FER1L6: variants seen among roughly 807,000 people sequenced by gnomAD.
The protein encoded by FER1L6 is fer-1 like family member 6.
A neutral mutation model predicts 219.2 loss-of-function variants in FER1L6; 177 were observed. That is an observed-to-expected ratio of 0.81 (90% confidence interval 0.71 to 0.91). The LOEUF is 0.91. FER1L6 is among the 40% of genes least tolerant of loss of function. FER1L6 has a pLI of 0.00. For synonymous variants in FER1L6, 768 were observed against 824.3 expected (o/e 0.93, Z 1.17); for missense variants, 2,153 against 2,259.9 (o/e 0.95, Z 0.96).
In FER1L6 at chr8:123,896,433, T is replaced by C. The variant is rs529181824; in HGVS notation, c.-8+44248T>C. On this transcript the variant is annotated intron_variant, in intron 1 of 40. Coordinates refer to ENST00000522917, the MANE Select transcript of FER1L6 (RefSeq NM_001039112.2). ...AATTTATTTCCTTACGGTATTTGCA[T>C]GTGTAACTCACAAGAAATTTGACAC... 1.9e-3 allele frequency among the ~76,000 whole-genome samples: 286 copies of C among 152,346 alleles called. 1 individual carries two copies. The highest frequency in any genetic ancestry group is 6.8e-3 in the African/African-American group (281 of 41,582).
chr8:124,028,767 T>C (rs186157954), intron 18 of FER1L6, among the ~76,000 whole-genome samples: 1 of 152,328 alleles, frequency 6.6e-6, no homozygotes, highest in Admixed American at 6.5e-5. Context: ...CAGCTTTAAC[T>C]TTTTTATATT....
intron 39 of FER1L6, among the ~76,000 whole-genome samples, chr8:124,108,162 C>CTA (rs1369945808): frequency 6.6e-6 from 1 of 151,998 alleles, no homozygotes; most frequent in Admixed American, 6.6e-5. Context: ...GAGCTCAAGT[C>CTA]TACCCTGGGC....
intron 11 of FER1L6, among the ~76,000 whole-genome samples, chr8:123,981,280 A>G (rs1222645093): frequency 6.6e-6 from 1 of 152,176 alleles, no homozygotes; most frequent in African/African-American, 2.4e-5. Context: ...TGTGCGGGAA[A>G]TCACAACTCT....
chr8:124,026,418 T>C (rs74711419), intron 18 of FER1L6, among the ~76,000 whole-genome samples: 5,012 of 152,244 alleles, frequency 0.033, 116 homozygotes, highest in East Asian at 0.08. Context: ...GGTAAAGAGA[T>C]AGCAGTTCTT....
At chr8:123,927,348 G>A (rs1038166491) in intron 1 of FER1L6, among the ~76,000 whole-genome samples, 7 of 152,200 alleles carry the variant, frequency 4.6e-5, no homozygotes, top group African/African-American at 9.7e-5. Context: ...GGTAAGGCAA[G>A]AGGCTTCATG....
intron 22 of FER1L6, among the ~76,000 whole-genome samples, chr8:124,055,454 T>G (rs774274178): frequency 6.6e-6 from 1 of 152,206 alleles, no homozygotes; most frequent in Non-Finnish European, 1.5e-5. Context: ...TTTCAACTGT[T>G]GGGCCATTCC....
rs370555510 is a variant in FER1L6, at chr8:123,896,810, C to T, written c.-8+44625C>T. On this transcript the variant is annotated intron_variant, in intron 1 of 40. Transcript: ENST00000522917. Reference sequence around the variant, plus strand: ...TCTATATGCTGATAACTCACAAACTCATGTCTCTAATCTCAGTCTCTTCCT... The same window carrying T: ...TCTATATGCTGATAACTCACAAACTTATGTCTCTAATCTCAGTCTCTTCCT... 1.1e-4 allele frequency among the ~76,000 whole-genome samples: 17 copies of T among 152,218 alleles called. No individual in the cohort carries two copies. The East Asian group carries it at 2.7e-3, about 24-fold the overall frequency.
chr8:124,052,248 G>A (rs893775340), intron 22 of FER1L6, among the ~76,000 whole-genome samples: 1 of 152,118 alleles, frequency 6.6e-6, no homozygotes, highest in Non-Finnish European at 1.5e-5. Context: ...AATAGTGTTG[G>A]ATTGATATGA....
chr8:123,932,253 T>C (rs1043820755), intron 1 of FER1L6, among the ~76,000 whole-genome samples: 5 of 151,994 alleles, frequency 3.3e-5, no homozygotes, highest in African/African-American at 9.7e-5. Flanking sequence ...GGATTACAGG[T>C]GCACACCACC....
chr8:123,913,745 A>G (rs4871424), intron 1 of FER1L6, among the ~76,000 whole-genome samples: 50,282 of 151,972 alleles, frequency 0.33, 8,841 homozygotes, highest in East Asian at 0.45. Context: ...ACACATGTCT[A>G]TCATATGTGT....
At chr8:123,874,635 T>G (rs1816973888) in intron 1 of FER1L6, among the ~76,000 whole-genome samples, 1 of 152,242 alleles carries the variant, frequency 6.6e-6, no homozygotes, top group Non-Finnish European at 1.5e-5. Flanking sequence ...TTCTATACTT[T>G]GTCTGTAAAT....
At chr8:123,908,314 T>C (rs2129758977) in intron 1 of FER1L6, among the ~76,000 whole-genome samples, 1 of 152,344 alleles carries the variant, frequency 6.6e-6, no homozygotes, top group African/African-American at 2.4e-5. Flanking sequence ...TTCTCTCTCT[T>C]CTCTTGTGAG....
Position 123,853,087 on chromosome 8 carries a change from T to A in FER1L6, c.-8+902T>A, listed in dbSNP as rs1320061216. On this transcript the variant is annotated intron_variant, in intron 1 of 40. Transcript: ENST00000522917. The surrounding 1 kb of genome is among the most constrained non-coding windows in gnomAD (Gnocchi z 6.6). ...TCAAACTCCTGGGCTCAAGCGATCC[T>A]CCTGCCTCAGCCTTCCAAAGTGCTC... is the stretch of plus-strand genomic sequence containing the variant. Among the ~76,000 whole-genome samples the A allele has an allele frequency of 6.6e-6, 1 of 152,198 alleles. No homozygotes were observed. Among genetic ancestry groups the A allele is most frequent in the Admixed American group, 6.5e-5 (1 of 15,282 alleles).
At chr8:123,871,989 G>T (rs529929996) in intron 1 of FER1L6, among the ~76,000 whole-genome samples, 120 of 152,280 alleles carry the variant, frequency 7.9e-4, no homozygotes, top group African/African-American at 2.8e-3. Context: ...AAGAAAAGAG[G>T]TTTAATTGGC....
rs193189374 is a variant in FER1L6, at chr8:124,039,050, T to G, written c.2465-832T>G. 4.8e-3 allele frequency among the ~76,000 whole-genome samples: 724 copies of G among 152,338 alleles called. 6 individuals are homozygous for G. The highest frequency in any genetic ancestry group is 0.016 in the African/African-American group (681 of 41,594). ...CAACTCTTACTTGAGGTTTCCCCACTGAACCCTGAGCTGCCCCAACCTGAG... is the reference window on the plus strand; with the variant it reads ...CAACTCTTACTTGAGGTTTCCCCACGGAACCCTGAGCTGCCCCAACCTGAG... On this transcript the variant is annotated intron_variant, in intron 19 of 40. Coordinates refer to ENST00000522917, the MANE Select transcript of FER1L6 (RefSeq NM_001039112.2).
intron 1 of FER1L6, among the ~76,000 whole-genome samples, chr8:123,877,527 A>T (rs572639128): frequency 4.6e-4 from 70 of 152,208 alleles, no homozygotes; most frequent in African/African-American, 1.6e-3. Context: ...GGACATGGCC[A>T]AACACCTTCA....
intron 9 of FER1L6, 55 bp downstream of exon 9, chr8:123,976,139 C>T: frequency 7.8e-7 from 1 of 1,284,770 alleles, no homozygotes; most frequent in Non-Finnish European, 1.1e-6. Context: ...TGCTCTCTAT[C>T]CAAGATATGT....
intron 3 of FER1L6, 86 bp from the exon 4 acceptor site, chr8:123,965,921 G>T (rs1815513869): frequency 8.6e-7 from 1 of 1,162,510 alleles, no homozygotes; most frequent in African/African-American, 1.5e-5. Flanking sequence ...TAAATGAAAG[G>T]ACTTAGAAAT....
At chr8:124,050,521 C>T (rs1819962885) in intron 22 of FER1L6, among the ~76,000 whole-genome samples, 1 of 152,128 alleles carries the variant, frequency 6.6e-6, no homozygotes, top group Non-Finnish European at 1.5e-5. Flanking sequence ...CTCCCCTTGA[C>T]CTCCTACTCA....
Sources: gnomAD v4.1 joint callset for allele counts (sites outside exome capture counted in the v4.1 genomes callset) on GRCh38, gnomAD v4.1.1 for gene constraint, Gnocchi (gnomAD v3.1) non-coding constraint, MANE v1.5 for transcripts, NCBI Gene and HGNC (gene_info 2026-07-23, HGNC 2026-07-21) for gene names.